TG: variants seen among roughly 807,000 people sequenced by gnomAD.
TG encodes the protein thyroid hormones.
TG carries 270 observed loss-of-function variants against 324.7 expected under a neutral mutation model. The ratio of observed to expected loss-of-function variants is 0.83; its 90% confidence interval spans 0.75 to 0.92. The LOEUF (loss-of-function observed/expected upper bound fraction) is 0.92, where lower values mean the gene tolerates loss of function less well. TG is among the 40% of genes least tolerant of loss of function. The pLI, the probability that TG is intolerant of heterozygous loss-of-function variation, is 0.00. For synonymous variants in TG, 1,401 were observed against 1,327.0 expected (o/e 1.06, Z -1.21); for missense variants, 3,591 against 3,456.4 (o/e 1.04, Z -0.98).
intron 18 of TG, among the ~76,000 whole-genome samples, chr8:132,908,724 A>G (rs1775033298): frequency 6.6e-6 from 1 of 152,168 alleles, no homozygotes; most frequent in Non-Finnish European, 1.5e-5. Context: ...CTAAACAAGT[A>G]CCTGTCAGGT....
intron 40 of TG, among the ~76,000 whole-genome samples, chr8:133,023,459 C>T (rs1251224115): frequency 6.6e-6 from 1 of 152,100 alleles, no homozygotes; most frequent in East Asian, 1.9e-4. Context: ...TCCCCACCCT[C>T]TTTCACATAT....
chr8:132,969,350 G>A (rs1829132848), intron 31 of TG, 108 bp from the exon 32 acceptor site: 2 of 804,626 alleles, frequency 2.5e-6, no homozygotes, highest in African/African-American at 1.7e-5. Context: ...AATTTAATAT[G>A]TCATCTTTAA....
rs1564119657 is a variant in TG at position 133,050,994 on chromosome 8, G to T, written c.7239+20971G>T. On this transcript the variant is annotated intron_variant, in intron 41 of 47. Transcript: ENST00000220616. The stretch of plus-strand genomic sequence containing the variant: ...AGCTTAAAGGTAGGCTTGGGAGGGA[G>T]GGTATGAAGATGAGATTTTCCAGCA... 3 of 796,380 alleles carry T rather than the reference G, an allele frequency of 3.8e-6. No individual in the cohort carries two copies. The East Asian group carries it at 7.5e-5, about 20-fold the overall frequency. The allele number at this position is 796,380 out of a possible 1,614,324, so 49.3% of individuals were successfully genotyped here. A position where few individuals can be genotyped will look rare whatever the true frequency, so the allele number is the denominator to read the frequency against.
intron 26 of TG, among the ~76,000 whole-genome samples, 170 bp downstream of exon 26, chr8:132,941,712 T>TTCC (rs989994705): frequency 6.6e-6 from 1 of 152,240 alleles, no homozygotes; most frequent in African/African-American, 2.4e-5. Flanking sequence ...CACATTCACA[T>TTCC]TCCACATGTT....
chr8:132,948,275 G>A (rs1825622110), intron 26 of TG, among the ~76,000 whole-genome samples: 2 of 152,042 alleles, frequency 1.3e-5, no homozygotes, highest in African/African-American at 2.4e-5. Context: ...GTGAGAGAGC[G>A]AGAGCAAGAG....
At chr8:132,905,023 A>T (rs746857283) in intron 16 of TG, among the ~76,000 whole-genome samples, 4 of 152,216 alleles carry the variant, frequency 2.6e-5, no homozygotes, top group Non-Finnish European at 4.4e-5. Context: ...CTGTATAGGG[A>T]TAATGGGACC....
intron 40 of TG, among the ~76,000 whole-genome samples, chr8:133,025,471 A>T (rs1835986531): frequency 1.3e-5 from 2 of 152,200 alleles, no homozygotes; most frequent in South Asian, 4.1e-4. Context: ...AAGGACAGAG[A>T]GTTCCCATAC....
At chr8:132,921,117 GC>G (rs1287369088) in intron 21 of TG, among the ~76,000 whole-genome samples, 7 of 152,198 alleles carry the variant, frequency 4.6e-5, no homozygotes, top group Non-Finnish European at 1.0e-4. Context: ...CATCGTGGGG[GC>G]TGCACCCTCA....
chr8:133,025,294 A>G (rs768776999), intron 40 of TG, among the ~76,000 whole-genome samples: 2 of 152,264 alleles, frequency 1.3e-5, no homozygotes, highest in Non-Finnish European at 2.9e-5. Context: ...GCAGAGGCCA[A>G]CAGGAAGCAG....
intron 41 of TG, among the ~76,000 whole-genome samples, chr8:133,081,770 C>T (rs576745888): frequency 3.4e-4 from 52 of 152,282 alleles, no homozygotes; most frequent in African/African-American, 1.2e-3. Context: ...CAGCAGTGTT[C>T]CCAGAGGTTG....
chr8:133,103,464 G>A (rs1163221340), intron 43 of TG, among the ~76,000 whole-genome samples: 1 of 152,086 alleles, frequency 6.6e-6, no homozygotes, highest in Non-Finnish European at 1.5e-5. Context: ...CTGGGATTAT[G>A]GTTCAGAGAA....
chr8:132,999,151 C>T (rs1472242018), intron 35 of TG, among the ~76,000 whole-genome samples: 3 of 151,994 alleles, frequency 2.0e-5, no homozygotes, highest in Non-Finnish European at 2.9e-5. Flanking sequence ...CAGGGGGTAG[C>T]AGTGCAACAA....
chr8:133,087,440 G>T (rs879594138), intron 41 of TG, among the ~76,000 whole-genome samples: 5 of 152,128 alleles, frequency 3.3e-5, no homozygotes, highest in East Asian at 3.9e-4. Context: ...CTCCCTCGGG[G>T]TGTGAGGGGA....
intron 19 of TG, 29 bp downstream of exon 19, chr8:132,911,562 T>A (rs1340273507): frequency 1.3e-6 from 2 of 1,580,390 alleles, no homozygotes; most frequent in South Asian, 2.2e-5. Context: ...GTACCTAGAA[T>A]AAGCTATGCA....
In TG at chr8:132,888,360, A is replaced by G; in HGVS notation, c.2553A>G (p.Glu851=). 6.2e-7 allele frequency: 1 copy of G among 1,614,196 alleles called. No individual in the cohort carries two copies. The highest frequency in any genetic ancestry group is 8.5e-7 in the Non-Finnish European group (1 of 1,180,036). The change falls in exon 10 of 48, where the codon GAA becomes GAG. Residue 851 remains glutamate, a synonymous_variant. Coordinates refer to ENST00000220616, the MANE Select transcript of TG (RefSeq NM_003235.5). ...SLQDVPLAAL[E]GKRPQPRENI... is the part of the protein sequence containing the mutation. Reference sequence around the variant, plus strand: ...AAGATGTCCCACTAGCAGCACTGGAAGGGAAACGGCCCCAGCCCAGGGAGA... The same window carrying G: ...AAGATGTCCCACTAGCAGCACTGGAGGGGAAACGGCCCCAGCCCAGGGAGA...
At chr8:132,974,420 A>T (rs2130581498) in intron 34 of TG, among the ~76,000 whole-genome samples, 1 of 152,338 alleles carries the variant, frequency 6.6e-6, no homozygotes, top group African/African-American at 2.4e-5. Context: ...TTTAATACTC[A>T]TAATACTCCT....
At chr8:133,015,060 A>G (rs1587765983) in intron 37 of TG, among the ~76,000 whole-genome samples, 1 of 152,128 alleles carries the variant, frequency 6.6e-6, no homozygotes, top group East Asian at 1.9e-4. Flanking sequence ...TTTAATAGAG[A>G]TAGGGTTTTG....
rs546932386 is a variant in TG at position 133,055,995 on chromosome 8, T to C, written c.7239+25972T>C. Among the ~76,000 whole-genome samples the C allele has an allele frequency of 2.0e-5, 3 of 152,008 alleles. No homozygotes were observed. In the East Asian group the frequency reaches 5.8e-4, roughly 30 times the overall value. On this transcript the variant is annotated intron_variant, in intron 41 of 47. Coordinates refer to ENST00000220616, the MANE Select transcript of TG (RefSeq NM_003235.5). ...CTACCTTATTTTGAGTATGAGGAAA[T>C]AGAGGCACAGTGAGGTCCAGAGACC...
intron 40 of TG, among the ~76,000 whole-genome samples, chr8:133,023,244 G>C (rs1835714364): frequency 6.6e-6 from 1 of 152,120 alleles, no homozygotes; most frequent in Non-Finnish European, 1.5e-5. Flanking sequence ...TTATGAAATG[G>C]GCAACAAGTT....
Sources: gnomAD v4.1 joint callset for allele counts (sites outside exome capture counted in the v4.1 genomes callset) on GRCh38, gnomAD v4.1.1 for gene constraint, MANE v1.5 for transcripts, NCBI Gene and HGNC (gene_info 2026-07-23, HGNC 2026-07-21) for gene names.